The following NONO variants were observed in gnomAD, a reference collection of about 807,000 sequenced individuals.
The protein encoded by NONO is non-POU domain-containing octamer-binding protein.
NONO carries 6 observed loss-of-function variants against 40.2 expected under a neutral mutation model. That is an observed-to-expected ratio of 0.15 (90% CI 0.08 to 0.29). The LOEUF (loss-of-function observed/expected upper bound fraction) is 0.29, where lower values mean the gene tolerates loss of function less well. Among genes scored for constraint, NONO ranks in the 10% least tolerant of loss-of-function variants. The probability of loss-of-function intolerance (pLI) is 1.00; values close to 1 mark genes in which losing one functional copy is unlikely to be tolerated. For synonymous variants in NONO, 89 were observed against 123.3 expected, an observed-to-expected ratio of 0.72 and a Z score of 1.85; for missense variants, 133 against 397.8, an observed-to-expected ratio of 0.33 and a Z score of 5.66.
At position 71,290,537 on chromosome X, in the gene NONO, T is replaced by C. The variant is rs1278869403; in HGVS notation, c.-9-92T>C. 7.1e-6 allele frequency: 5 copies of C among 704,077 alleles called. No homozygotes were observed. In the African/African-American group the frequency reaches 1.1e-4, roughly 15 times the overall value. The allele number at this position is 704,077 out of a possible 1,213,427, so 58.0% of individuals were successfully genotyped here. ...TTGCCTCTGACAAAAGCCAGAGCAC[T>C]TAAGGTGATGAATTACATATAAGTC... On this transcript the variant is annotated intron_variant, in intron 2 of 11. Transcript: ENST00000276079.
Position 71,294,304 on chromosome X carries a change from C to A in NONO, c.426C>A (p.Arg142=). ...MPLRGKQLRV[R]FACHSASLTV... is the part of the protein sequence containing the mutation. ...TCCGTGGAAAGCAGCTGCGTGTGCGCTTTGCCTGCCATAGTGCATCCCTTA... is the reference window on the plus strand; with the variant it reads ...TCCGTGGAAAGCAGCTGCGTGTGCGATTTGCCTGCCATAGTGCATCCCTTA... Residue 142 remains arginine, a synonymous_variant, in exon 5 of 12, where the codon CGC becomes CGA. Coordinates refer to ENST00000276079, the MANE Select transcript of NONO (RefSeq NM_007363.5). 8.3e-7 allele frequency: 1 copy of A among 1,212,058 alleles called. No individual in the cohort carries two copies. Among genetic ancestry groups the A allele is most frequent in the Non-Finnish European group, 1.1e-6 (1 of 895,538 alleles).
At chrX:71,286,987 A>C (rs748799905) in intron 2 of NONO, among the ~76,000 whole-genome samples, 2 of 112,314 alleles carry the variant, frequency 1.8e-5, no homozygotes, top group Non-Finnish European at 3.8e-5. Flanking sequence ...GAATGTTTTT[A>C]TACACTTGAA....
At chrX:71,288,350 C>T (rs1479850713) in intron 2 of NONO, among the ~76,000 whole-genome samples, 2 of 110,180 alleles carry the variant, frequency 1.8e-5, no homozygotes, top group Non-Finnish European at 3.8e-5. Context: ...GTCCTCCTGC[C>T]TAGACCTCCC....
chrX:71,284,008 G>A (rs958354914), intron 1 of NONO: 9 of 111,980 alleles, frequency 8.0e-5, no homozygotes, highest in Non-Finnish European at 1.3e-4. Flanking sequence ...CGGCCTCTGA[G>A]CCGCCCTGGG....
At chrX:71,288,951 T>G (rs754546299) in intron 2 of NONO, among the ~76,000 whole-genome samples, 8 of 112,248 alleles carry the variant, frequency 7.1e-5, no homozygotes, top group Non-Finnish European at 1.3e-4. Context: ...TCACAGCCCA[T>G]ACTAGTACCA....
intron 4 of NONO, chrX:71,292,749 G>A (rs2031353629): frequency 8.9e-6 from 1 of 112,125 alleles, no homozygotes; most frequent in Admixed American, 9.5e-5. Context: ...CTGGGACAAA[G>A]GCAACGCACC....
rs1199688597 is a variant in NONO at position 71,298,754 on chromosome X, C to G, written c.1219C>G (p.Pro407Ala). 8.3e-7 allele frequency: 1 copy of G among 1,207,035 alleles called. No individual in the cohort carries two copies. The highest frequency in any genetic ancestry group is 1.1e-6 in the Non-Finnish European group (1 of 893,469). The change falls in exon 11 of 12, where the codon CCA becomes GCA. Residue 407 changes from proline (P) to alanine (A), a missense_variant. By Grantham distance (27) the Pro-to-Ala change is conservative. Coordinates refer to ENST00000276079, the MANE Select transcript of NONO (RefSeq NM_007363.5). ...NRGAMPPAPV[P>A]AGTPAPPGPA... ...AGGTGCCATGCCCCCTGCTCCTGTG[C>G]CAGCTGGTACCCCAGCTCCTCCAGG...
intron 11 of NONO, 120 bp downstream of exon 11, chrX:71,298,936 T>C (rs1204057027): frequency 1.8e-5 from 9 of 512,925 alleles, no homozygotes; most frequent in Non-Finnish European, 2.2e-5. Context: ...CTTTTTTTTT[T>C]TGGAGACAGA....
In NONO at chrX:71,297,358, TAGTC is replaced by T. The variant is rs760544196; in HGVS notation, c.944-18_944-15del. On this transcript the variant is annotated splice_polypyrimidine_tract_variant and intron_variant, in intron 7 of 11. Coordinates refer to ENST00000276079, the MANE Select transcript of NONO (RefSeq NM_007363.5). ...ATATGAAGACAATGAGGAATATTCTTAGTCTGTTGTTTTTTTAGATTTGATGAGG... is the reference window on the plus strand; with the variant it reads ...ATATGAAGACAATGAGGAATATTCTTTGTTGTTTTTTTAGATTTGATGAGG... The T allele has an allele frequency of 7.9e-6, 9 of 1,143,156 alleles. No homozygotes were observed. Among genetic ancestry groups the T allele is most frequent in the Non-Finnish European group, 1.1e-5 (9 of 851,024 alleles). The allele number at this position is 1,143,156 out of a possible 1,213,427, so 94.2% of individuals were successfully genotyped here. A position where few individuals can be genotyped will look rare whatever the true frequency, so the allele number is the denominator to read the frequency against.
intron 2 of NONO, among the ~76,000 whole-genome samples, chrX:71,288,092 T>C (rs1479672631): frequency 1.0e-5 from 1 of 100,289 alleles, no homozygotes; most frequent in African/African-American, 3.6e-5. Flanking sequence ...TTTTAAATGA[T>C]AGAATTTAAC....
intron 9 of NONO, 106 bp downstream of exon 9, chrX:71,298,044 A>T: frequency 1.9e-6 from 1 of 518,482 alleles, no homozygotes; most frequent in Non-Finnish European, 3.2e-6. Context: ...GTTGTGAAAT[A>T]ACCCTTTAGA....
chrX:71,288,174 T>C (rs2031244041), intron 2 of NONO, among the ~76,000 whole-genome samples: 2 of 86,773 alleles, frequency 2.3e-5, no homozygotes, highest in South Asian at 1.6e-3. Flanking sequence ...CTGCCCAGGC[T>C]GGAATACAAT....
In NONO at chrX:71,300,235, A is replaced by AG. The variant is rs1304460955; in HGVS notation, c.*163dup. Reference sequence around the variant, plus strand: ...GTATGCTGGAGGCAGAGGGCAAGGGAGGGGTGGTATTAAACAAGTCAATTC... The same window carrying AG: ...GTATGCTGGAGGCAGAGGGCAAGGGAGGGGGTGGTATTAAACAAGTCAATTC... On this transcript the variant is annotated 3_prime_UTR_variant, in exon 12 of 12. Transcript: ENST00000276079. 5 of 577,635 alleles carry AG rather than the reference A, an allele frequency of 8.7e-6. No individual in the cohort carries two copies. The African/African-American group carries it at 1.1e-4, about 13-fold the overall frequency. The allele number at this position is 577,635 out of a possible 1,213,427, so 47.6% of individuals were successfully genotyped here. A position where few individuals can be genotyped will look rare whatever the true frequency, so the allele number is the denominator to read the frequency against.
chrX:71,285,500 A>G lies in NONO; in HGVS notation c.-10+1047A>G, dbSNP rs190847995. Among the ~76,000 whole-genome samples, 57 of 111,919 alleles carry G rather than the reference A, an allele frequency of 5.1e-4. 1 individual carries two copies. The highest frequency in any genetic ancestry group is 9.2e-3 in the Middle Eastern group (2 of 217). On this transcript the variant is annotated intron_variant, in intron 2 of 11. Coordinates refer to ENST00000276079, the MANE Select transcript of NONO (RefSeq NM_007363.5). ...ATTTTTAAGAATTTATCCTATGGAA[A>G]TAATTAAATGGAAATAAAGCTGAAA...
At chrX:71,287,442 ATC>A (rs1202579289) in intron 2 of NONO, among the ~76,000 whole-genome samples, 1 of 111,084 alleles carries the variant, frequency 9.0e-6, no homozygotes, top group Non-Finnish European at 1.9e-5. Context: ...CAATGGCAGC[ATC>A]TCTGCTCACT....
At chrX:71,289,692 C>T (rs2031280868) in intron 2 of NONO, among the ~76,000 whole-genome samples, 1 of 111,779 alleles carries the variant, frequency 8.9e-6, no homozygotes, top group Admixed American at 9.5e-5. Flanking sequence ...GCCTCTAACT[C>T]GTGGGCTCAA....
Position 71,300,176 on chromosome X carries a change from A to G in NONO, c.*100A>G. On this transcript the variant is annotated 3_prime_UTR_variant, in exon 12 of 12. Transcript: ENST00000276079. ...AAAAGTGTTAGGGATTCCTTCCAAT[A>G]GTTAGATCTACCCTGCCTGTACTAC... 3.0e-6 allele frequency: 3 copies of G among 989,875 alleles called. No homozygotes were observed. The highest frequency in any genetic ancestry group is 4.3e-6 in the Non-Finnish European group (3 of 704,659). The allele number at this position is 989,875 out of a possible 1,213,427, so 81.6% of individuals were successfully genotyped here.
chrX:71,295,519 A>G (rs2031424193), intron 5 of NONO, among the ~76,000 whole-genome samples: 1 of 109,665 alleles, frequency 9.1e-6, no homozygotes, highest in Non-Finnish European at 1.9e-5. Flanking sequence ...TAGCCTGGGC[A>G]TGGTGGCTCA....
chrX:71,294,263 C>T lies in NONO; in HGVS notation c.385C>T (p.Leu129=). The T allele has an allele frequency of 8.3e-7, 1 of 1,212,029 alleles. No homozygotes were observed. Among genetic ancestry groups the T allele is most frequent in the East Asian group, 3.0e-5 (1 of 33,849 alleles). ...CCTAGCGGAGATTGCCAAAGTGGAG[C>T]TGGACAATATGCCACTCCGTGGAAA... The part of the protein sequence containing the change: ...RTLAEIAKVE[L]DNMPLRGKQL... The change falls in exon 5 of 12, where the codon CTG becomes TTG. Residue 129 remains leucine (L), a synonymous_variant. Transcript: ENST00000276079.
Sources: allele counts gnomAD v4.1 joint callset (sites outside exome capture counted in the v4.1 genomes callset), GRCh38; gene constraint gnomAD v4.1.1; transcripts MANE v1.5; gene names NCBI Gene and HGNC (gene_info 2026-07-23, HGNC 2026-07-21).